Variants in ZBTB20 observed in about 807,000 individuals in gnomAD.
ZBTB20 encodes zinc finger and BTB domain-containing protein 20.
Under a neutral mutation model 56.9 loss-of-function variants are expected in ZBTB20, and 9 were observed. That is an observed-to-expected ratio of 0.16 (90% CI 0.10 to 0.28). The LOEUF is 0.28. Among genes scored for constraint, ZBTB20 ranks in the 10% least tolerant of loss-of-function variants. The pLI is 1.00. For synonymous variants in ZBTB20, 417 were observed against 420.7 expected, an observed-to-expected ratio of 0.99 and a Z score of 0.11; for missense variants, 655 against 1,003.0, an observed-to-expected ratio of 0.65 and a Z score of 4.69.
At chr3:114,541,388 G>T (rs2049092857) in intron 6 of ZBTB20, among the ~76,000 whole-genome samples, 1 of 152,068 alleles carries the variant, frequency 6.6e-6, no homozygotes, top group Non-Finnish European at 1.5e-5. Context: ...TGTGTGTGTT[G>T]TAGAGTTCCC....
intron 5 of ZBTB20, among the ~76,000 whole-genome samples, chr3:114,734,799 C>A (rs2066017849): frequency 6.6e-6 from 1 of 151,950 alleles, no homozygotes; most frequent in South Asian, 2.1e-4. Flanking sequence ...TGGATGGAGC[C>A]TATCTCAGCA....
At chr3:114,981,438 G>A (rs2078322458) in intron 2 of ZBTB20, among the ~76,000 whole-genome samples, 1 of 152,084 alleles carries the variant, frequency 6.6e-6, no homozygotes, top group South Asian at 2.1e-4. Context: ...AAACAAAATA[G>A]TGCTGCTTTA....
intron 7 of ZBTB20, among the ~76,000 whole-genome samples, chr3:114,483,902 CTTTGAACTAAGG>C (rs953285675): frequency 1.9e-4 from 29 of 151,622 alleles, no homozygotes; most frequent in African/African-American, 6.5e-4. Context: ...TAAGAAGGTC[CTTTGAACTAAGG>C]TTCAAAGGAC....
chr3:114,585,619 C>A (rs1193202624), intron 6 of ZBTB20, among the ~76,000 whole-genome samples: 3 of 152,198 alleles, frequency 2.0e-5, no homozygotes, highest in Non-Finnish European at 4.4e-5. Flanking sequence ...TTCTAATGGA[C>A]CTGCCTGGTA....
At position 114,932,251 on chromosome 3, in the gene ZBTB20, G is replaced by C. The variant is rs557864620; in HGVS notation, c.-455-31909C>G. 1.9e-3 allele frequency among the ~76,000 whole-genome samples: 288 copies of C among 152,276 alleles called. 1 individual carries two copies. Among genetic ancestry groups the C allele is most frequent in the African/African-American group, 6.6e-3 (276 of 41,560 alleles). ...TGTACAGCAAGCTGAAGGAGTGTTT[G>C]CCTAATATCCAATCCACAGAATTTA... On this transcript the variant is annotated intron_variant, in intron 3 of 11. Transcript: ENST00000675478.
chr3:114,316,522 A>G lies in ZBTB20; in HGVS notation c.*22483T>C, dbSNP rs940495119. 1 of 532,868 alleles carries G rather than the reference A, an allele frequency of 1.9e-6. No homozygotes were observed. Among genetic ancestry groups the G allele is most frequent in the Non-Finnish European group, 3.9e-6 (1 of 259,618 alleles). 33.0% of individuals were successfully genotyped at this position (532,868 alleles called of 1,614,324 possible). A position where few individuals can be genotyped will look rare whatever the true frequency, so the allele number is the denominator to read the frequency against. On this transcript the variant is annotated 3_prime_UTR_variant, in exon 12 of 12. Coordinates refer to ENST00000675478, the MANE Select transcript of ZBTB20 (RefSeq NM_001348800.3). ...TAATATATACACTATATATATGTGG[A>G]TACATATAGGAAGTGTGTATACATT...
chr3:114,830,411 G>A (rs1355871541), intron 4 of ZBTB20, among the ~76,000 whole-genome samples: 2 of 151,954 alleles, frequency 1.3e-5, no homozygotes, highest in Non-Finnish European at 1.5e-5. Flanking sequence ...AAGGCAATGA[G>A]AGCTTGGTGA....
intron 2 of ZBTB20, among the ~76,000 whole-genome samples, chr3:115,062,772 C>A (rs2082057421): frequency 2.0e-5 from 3 of 152,050 alleles, no homozygotes. Context: ...CTCATATTAG[C>A]TACAGATGAA....
At chr3:115,016,691 C>T (rs113955398) in intron 2 of ZBTB20, among the ~76,000 whole-genome samples, 3,253 of 151,828 alleles carry the variant, frequency 0.021, 44 homozygotes, top group Non-Finnish European at 0.03. Flanking sequence ...TGTACCAGTG[C>T]CATGCTGTTT....
At chr3:114,783,862 T>G (rs188384467) in intron 5 of ZBTB20, among the ~76,000 whole-genome samples, 229 of 151,950 alleles carry the variant, frequency 1.5e-3, no homozygotes, top group Middle Eastern at 3.4e-3. Context: ...AAAATATGCT[T>G]AGTTTTGTGA....
chr3:114,350,875 G>A lies in ZBTB20; in HGVS notation c.1203C>T (p.Asp401=). Residue 401 remains aspartate (D), a synonymous_variant, in exon 11 of 12, where the codon GAC becomes GAT. Coordinates refer to ENST00000675478, the MANE Select transcript of ZBTB20 (RefSeq NM_001348800.3). ...EQQFGPGAAR[D]SQAEPTQPEQ... ...CGGGTTGGGTGGGTTCAGCCTGGCT[G>A]TCCCGCGCCGCCCCAGGCCCAAACT... The A allele has an allele frequency of 1.2e-6, 2 of 1,608,684 alleles. No homozygotes were observed. Among genetic ancestry groups the A allele is most frequent in the South Asian group, 2.2e-5 (2 of 91,068 alleles).
chr3:115,116,031 T>A (rs2084008526), intron 1 of ZBTB20, among the ~76,000 whole-genome samples: 1 of 152,106 alleles, frequency 6.6e-6, no homozygotes, highest in Non-Finnish European at 1.5e-5. Flanking sequence ...AGGGATGTTC[T>A]TTTTCAAATG....
At chr3:114,745,172 A>C (rs2066933557) in intron 5 of ZBTB20, among the ~76,000 whole-genome samples, 1 of 152,170 alleles carries the variant, frequency 6.6e-6, no homozygotes, top group Admixed American at 6.6e-5. Flanking sequence ...AGAGAGTGGG[A>C]AGTAGGATTT....
At chr3:114,412,210 C>T (rs776927918) in intron 7 of ZBTB20, among the ~76,000 whole-genome samples, 11 of 152,148 alleles carry the variant, frequency 7.2e-5, no homozygotes, top group Admixed American at 1.3e-4. Flanking sequence ...ACACCATTTG[C>T]ACAAGTAATT....
chr3:114,370,938 C>T (rs2082932442), intron 10 of ZBTB20, among the ~76,000 whole-genome samples: 1 of 152,184 alleles, frequency 6.6e-6, no homozygotes, highest in Non-Finnish European at 1.5e-5. Flanking sequence ...TACCCTCATC[C>T]ACAAAATCTG....
At chr3:115,036,796 G>C (rs1050866215) in intron 2 of ZBTB20, among the ~76,000 whole-genome samples, 1 of 152,118 alleles carries the variant, frequency 6.6e-6, no homozygotes. Context: ...TGGGCTTGAA[G>C]AGATAGCATT....
chr3:114,659,856 C>T (rs571549325), intron 6 of ZBTB20, among the ~76,000 whole-genome samples: 1 of 152,258 alleles, frequency 6.6e-6, no homozygotes, highest in African/African-American at 2.4e-5. Flanking sequence ...TCTGTCAGTA[C>T]AGAAGCCAAG....
rs116720696 is a variant in ZBTB20, at chr3:114,567,896, G to A, written c.-294-67505C>T. 5.7e-3 allele frequency among the ~76,000 whole-genome samples: 863 copies of A among 152,356 alleles called. 10 individuals are homozygous for A. The highest frequency in any genetic ancestry group is 0.019 in the African/African-American group (793 of 41,582). On this transcript the variant is annotated intron_variant, in intron 6 of 11. Coordinates refer to ENST00000675478, the MANE Select transcript of ZBTB20 (RefSeq NM_001348800.3). ...TCCTAATCTAGGAAGAATAACTAAA[G>A]GTGTCAGTGGGGTTCCATTGATAGC...
At chr3:114,515,837 T>C (rs993434794) in intron 6 of ZBTB20, among the ~76,000 whole-genome samples, 4 of 152,158 alleles carry the variant, frequency 2.6e-5, no homozygotes, top group Non-Finnish European at 5.9e-5. Flanking sequence ...TTAGCTGTCT[T>C]CATTTAAGGT....
Sources: allele counts gnomAD v4.1 joint callset (sites outside exome capture counted in the v4.1 genomes callset), GRCh38; gene constraint gnomAD v4.1.1; transcripts MANE v1.5; gene names NCBI Gene and HGNC (gene_info 2026-07-23, HGNC 2026-07-21).